The following MAPK4 variants were observed in gnomAD, a reference collection of about 807,000 sequenced individuals.
MAPK4 encodes Erk3-related.
A neutral mutation model predicts 47.7 loss-of-function variants in MAPK4; 22 were observed. The observed-to-expected ratio is 0.46, with a 90% CI of 0.33 to 0.66. The LOEUF (loss-of-function observed/expected upper bound fraction) is 0.66, where lower values mean the gene tolerates loss of function less well. Ranked by LOEUF, MAPK4 falls within the 30% of genes least tolerant of loss-of-function variation. The probability of loss-of-function intolerance (pLI) is 0.02; values close to 1 mark genes in which losing one functional copy is unlikely to be tolerated. For missense variants in MAPK4, 736 were observed against 831.7 expected, an observed-to-expected ratio of 0.88 and a Z score of 1.42; for synonymous variants, 390 against 365.7, an observed-to-expected ratio of 1.07 and a Z score of -0.76.
At chr18:50,581,565 G>A (rs950724892) in intron 1 of MAPK4, among the ~76,000 whole-genome samples, 2 of 152,230 alleles carry the variant, frequency 1.3e-5, no homozygotes, top group Non-Finnish European at 2.9e-5. Context: ...CCCACATTCA[G>A]ATGAAGGGGA....
In MAPK4 at chr18:50,585,685, C is replaced by T. The variant is rs79915513; in HGVS notation, c.-871+25442C>T. On this transcript the variant is annotated intron_variant, in intron 1 of 5. Coordinates refer to ENST00000400384, the MANE Select transcript of MAPK4 (RefSeq NM_002747.4). ...GGCTTGGTAAGTAGATATATTAGTC[C>T]GCTCTCATGCTGCTATAAAGAACTG... is the stretch of plus-strand genomic sequence containing the variant. Among the ~76,000 whole-genome samples, 512 of 152,220 alleles carry T rather than the reference C, an allele frequency of 3.4e-3. 7 individuals carry two copies. In the East Asian group the frequency reaches 0.05, roughly 15 times the overall value.
At chr18:50,567,839 T>A (rs1347621065) in intron 1 of MAPK4, among the ~76,000 whole-genome samples, 1 of 150,218 alleles carries the variant, frequency 6.7e-6, no homozygotes, top group African/African-American at 2.5e-5. Context: ...AAAAAAAAAA[T>A]GACCTGTCAT....
At chr18:50,719,354 AAAAC>A (rs201514998) in intron 3 of MAPK4, among the ~76,000 whole-genome samples, 10 of 146,180 alleles carry the variant, frequency 6.8e-5, no homozygotes, top group South Asian at 2.3e-4. Flanking sequence ...GGTTAAAAAC[AAAAC>A]AAAAAAAAAT....
chr18:50,650,845 G>C (rs2043040798), intron 1 of MAPK4, among the ~76,000 whole-genome samples: 1 of 152,216 alleles, frequency 6.6e-6, no homozygotes, highest in Admixed American at 6.5e-5. Context: ...TTGAGGAGGA[G>C]GAGCTGTTTC....
intron 1 of MAPK4, among the ~76,000 whole-genome samples, chr18:50,614,874 T>C (rs1207325952): frequency 1.3e-5 from 2 of 152,164 alleles, no homozygotes; most frequent in Admixed American, 6.5e-5. Context: ...CAATACTTCT[T>C]GGTTATTCAG....
intron 2 of MAPK4, among the ~76,000 whole-genome samples, chr18:50,685,247 G>A (rs1908807278): frequency 6.6e-6 from 1 of 152,228 alleles, no homozygotes; most frequent in Admixed American, 6.5e-5. Flanking sequence ...TGGAAGAAAG[G>A]CCAGTTGGCT....
intron 1 of MAPK4, among the ~76,000 whole-genome samples, chr18:50,582,806 G>A (rs532098813): frequency 6.6e-6 from 1 of 152,364 alleles, no homozygotes; most frequent in African/African-American, 2.4e-5. Flanking sequence ...CCAGTGTCTA[G>A]ATGAGGGGAA....
At chr18:50,668,969 C>T (rs1023703242) in intron 2 of MAPK4, among the ~76,000 whole-genome samples, 1 of 152,214 alleles carries the variant, frequency 6.6e-6, no homozygotes, top group African/African-American at 2.4e-5. Flanking sequence ...AACGAAAAAG[C>T]GTGGCTGTCA....
chr18:50,612,088 C>G (rs148741022), intron 1 of MAPK4, among the ~76,000 whole-genome samples: 1 of 152,308 alleles, frequency 6.6e-6, no homozygotes, highest in African/African-American at 2.4e-5. Flanking sequence ...CTAGGAAGCT[C>G]TCTTCACCCT....
chr18:50,590,048 G>A (rs1272152788), intron 1 of MAPK4, among the ~76,000 whole-genome samples: 1 of 152,174 alleles, frequency 6.6e-6, no homozygotes, highest in African/African-American at 2.4e-5. Context: ...TGAAGTCCAG[G>A]ATGTTAAGAA....
intron 2 of MAPK4, among the ~76,000 whole-genome samples, chr18:50,692,899 C>T (rs972152170): frequency 1.3e-5 from 2 of 152,136 alleles, no homozygotes; most frequent in South Asian, 2.1e-4. Flanking sequence ...ACAGCAGCTC[C>T]TCCGTTTTGC....
chr18:50,592,983 A>G (rs1353707007), intron 1 of MAPK4, among the ~76,000 whole-genome samples: 1 of 152,192 alleles, frequency 6.6e-6, no homozygotes, highest in Non-Finnish European at 1.5e-5. Flanking sequence ...AGTCCTTTAC[A>G]ATCACTAAGT....
chr18:50,609,307 GC>G (rs549189394), intron 1 of MAPK4, among the ~76,000 whole-genome samples: 5 of 151,496 alleles, frequency 3.3e-5, no homozygotes, highest in African/African-American at 9.7e-5. Flanking sequence ...AGGCAGAGGC[GC>G]CCCCCACCTC....
intron 1 of MAPK4, among the ~76,000 whole-genome samples, chr18:50,646,932 T>G (rs1002049189): frequency 6.6e-6 from 1 of 152,238 alleles, no homozygotes; most frequent in African/African-American, 2.4e-5. Context: ...ATGGTCTCCT[T>G]GCTACCTCCG....
At chr18:50,721,073 C>T (rs1910911926) in intron 3 of MAPK4, among the ~76,000 whole-genome samples, 2 of 152,074 alleles carry the variant, frequency 1.3e-5, no homozygotes, top group Admixed American at 6.5e-5. Context: ...GGAAAGGCAA[C>T]TCAATCAAAA....
intron 1 of MAPK4, among the ~76,000 whole-genome samples, chr18:50,586,671 C>G (rs188414639): frequency 6.6e-6 from 1 of 151,798 alleles, no homozygotes; most frequent in East Asian, 1.9e-4. Flanking sequence ...TGGTAAGCTC[C>G]GAGTGTACAT....
At chr18:50,628,391 G>A (rs758661130) in intron 1 of MAPK4, among the ~76,000 whole-genome samples, 1 of 152,122 alleles carries the variant, frequency 6.6e-6, no homozygotes, top group East Asian at 1.9e-4. Context: ...CTGGGGCCTG[G>A]GTTCCCTTGA....
chr18:50,657,887 G>A (rs138084985), intron 1 of MAPK4, among the ~76,000 whole-genome samples: 3 of 152,168 alleles, frequency 2.0e-5, no homozygotes, highest in South Asian at 4.2e-4. Flanking sequence ...CCTGATGGCC[G>A]AACCAGACCT....
At chr18:50,722,906 C>A (rs932031286) in intron 4 of MAPK4, among the ~76,000 whole-genome samples, 1 of 152,124 alleles carries the variant, frequency 6.6e-6, no homozygotes, top group African/African-American at 2.4e-5. Context: ...GGGCTCTGAG[C>A]AGCTCAGTTT....
Sources: allele counts gnomAD v4.1 joint callset (sites outside exome capture counted in the v4.1 genomes callset), GRCh38; gene constraint gnomAD v4.1.1; transcripts MANE v1.5; gene names NCBI Gene and HGNC (gene_info 2026-07-23, HGNC 2026-07-21).